GRIN2B: variants seen among roughly 807,000 people sequenced by gnomAD.
GRIN2B encodes the protein glutamate ionotropic receptor NMDA type subunit 2B.
A neutral mutation model predicts 114.5 loss-of-function variants in GRIN2B; 5 were observed. The ratio of observed to expected loss-of-function variants is 0.04; its 90% confidence interval spans 0.02 to 0.09. The LOEUF is 0.09. Ranked by LOEUF, GRIN2B falls within the 10% of genes least tolerant of loss-of-function variation. GRIN2B has a pLI of 1.00. For synonymous variants in GRIN2B, 787 were observed against 745.1 expected (o/e 1.06, Z -0.92); for missense variants, 1,108 against 1,943.5 (o/e 0.57, Z 8.08).
intron 5 of GRIN2B, among the ~76,000 whole-genome samples, chr12:13,670,743 T>C (rs959619139): frequency 2.0e-5 from 3 of 152,150 alleles, no homozygotes; most frequent in Admixed American, 1.3e-4. Context: ...CACCATGCTA[T>C]GTCTGCATGC....
chr12:13,675,031 G>A (rs1049458087), intron 5 of GRIN2B, among the ~76,000 whole-genome samples: 1 of 152,042 alleles, frequency 6.6e-6, no homozygotes, highest in African/African-American at 2.4e-5. Flanking sequence ...GTATTCAACT[G>A]GGAATCTGGA....
At chr12:13,964,283 C>A (rs760076078) in intron 2 of GRIN2B, among the ~76,000 whole-genome samples, 3 of 152,198 alleles carry the variant, frequency 2.0e-5, no homozygotes, top group Non-Finnish European at 4.4e-5. Flanking sequence ...AAGACACCAT[C>A]AATTCTGCCT....
chr12:13,738,335 G>A (rs74065258), intron 4 of GRIN2B, among the ~76,000 whole-genome samples: 1,815 of 152,230 alleles, frequency 0.012, 36 homozygotes, highest in African/African-American at 0.041. Flanking sequence ...AAGGCCAGCC[G>A]ACACATCAAA....
chr12:13,835,732 G>A (rs1360476840), intron 3 of GRIN2B, among the ~76,000 whole-genome samples: 6 of 129,064 alleles, frequency 4.6e-5, no homozygotes, highest in African/African-American at 1.8e-4. Context: ...TGGATGTAAA[G>A]AGGCACAGGA....
chr12:13,643,582 C>T (rs554245683), intron 5 of GRIN2B, among the ~76,000 whole-genome samples: 214 of 152,134 alleles, frequency 1.4e-3, no homozygotes, highest in African/African-American at 4.9e-3. Flanking sequence ...CTGAAGTTTG[C>T]CACAACAATT....
At chr12:13,707,193 G>A (rs1272554538) in intron 4 of GRIN2B, among the ~76,000 whole-genome samples, 1 of 152,030 alleles carries the variant, frequency 6.6e-6, no homozygotes, top group Non-Finnish European at 1.5e-5. Flanking sequence ...CATTAATGAA[G>A]GCCTTGTAGT....
At chr12:13,728,015 A>T (rs1338481076) in intron 4 of GRIN2B, among the ~76,000 whole-genome samples, 1 of 152,198 alleles carries the variant, frequency 6.6e-6, no homozygotes, top group African/African-American at 2.4e-5. Context: ...AACTGATCAC[A>T]TGTGGTATTT....
chr12:13,809,063 G>A (rs912840032), intron 3 of GRIN2B, among the ~76,000 whole-genome samples: 3 of 152,070 alleles, frequency 2.0e-5, no homozygotes, highest in Non-Finnish European at 2.9e-5. Flanking sequence ...ACAATTCTTT[G>A]ATGTAGGGGC....
intron 5 of GRIN2B, among the ~76,000 whole-genome samples, chr12:13,673,658 C>T (rs890748726): frequency 6.6e-6 from 1 of 151,866 alleles, no homozygotes; most frequent in Non-Finnish European, 1.5e-5. Context: ...GGATCCAAAC[C>T]CTAGGAAGTA....
chr12:13,566,012 C>T (rs758206191), intron 13 of GRIN2B, among the ~76,000 whole-genome samples: 6 of 152,058 alleles, frequency 3.9e-5, no homozygotes, highest in Non-Finnish European at 8.8e-5. Flanking sequence ...TCTGGTGTTC[C>T]CCTATCTGAG....
Position 13,560,888 on chromosome 12 carries a change from G to C in GRIN2B, c.*1895C>G, listed in dbSNP as rs1304612577. On this transcript the variant is annotated 3_prime_UTR_variant, in exon 14 of 14. Transcript: ENST00000609686. ...ACAGGGGCGAAGAGCAGCCCTGGAGGGAGTGACTTGAAGAGACATGGCAGC... is the reference window on the plus strand; with the variant it reads ...ACAGGGGCGAAGAGCAGCCCTGGAGCGAGTGACTTGAAGAGACATGGCAGC... 6.6e-6 allele frequency: 1 copy of C among 152,286 alleles called. No homozygotes were observed. Among genetic ancestry groups the C allele is most frequent in the Non-Finnish European group, 1.5e-5 (1 of 68,132 alleles). 9.4% of individuals were successfully genotyped at this position (152,286 alleles called of 1,614,324 possible).
chr12:13,658,899 T>C (rs1949893771), intron 5 of GRIN2B, among the ~76,000 whole-genome samples: 1 of 151,814 alleles, frequency 6.6e-6, no homozygotes, highest in Admixed American at 6.6e-5. Context: ...CTGTCCTGGC[T>C]CTACCAACCT....
At chr12:13,947,313 C>T (rs535256466) in intron 2 of GRIN2B, among the ~76,000 whole-genome samples, 1 of 152,288 alleles carries the variant, frequency 6.6e-6, no homozygotes, top group Non-Finnish European at 1.5e-5. Flanking sequence ...AAAACTGAGG[C>T]TCGCCATGTG....
At chr12:13,616,790 A>AGAT (rs1949449367) in intron 5 of GRIN2B, 133 bp from the exon 6 acceptor site, 1 of 737,730 alleles carries the variant, frequency 1.4e-6, no homozygotes, top group Non-Finnish European at 2.5e-6. Flanking sequence ...TACATACTAG[A>AGAT]GATAGGAATA....
chr12:13,810,089 G>A (rs1221747276), intron 3 of GRIN2B, among the ~76,000 whole-genome samples: 9 of 152,054 alleles, frequency 5.9e-5, no homozygotes, highest in Non-Finnish European at 1.0e-4. Flanking sequence ...AGACACCATC[G>A]CTTCCAAGAG....
chr12:13,838,921 A>G (rs1200273282), intron 3 of GRIN2B, among the ~76,000 whole-genome samples: 4 of 152,136 alleles, frequency 2.6e-5, no homozygotes, highest in Non-Finnish European at 5.9e-5. Context: ...TCACATACTC[A>G]TGTTCACTGA....
At chr12:13,874,724 G>A (rs1186661503) in intron 2 of GRIN2B, among the ~76,000 whole-genome samples, 1 of 152,168 alleles carries the variant, frequency 6.6e-6, no homozygotes, top group Non-Finnish European at 1.5e-5. Flanking sequence ...TTATTGGCTT[G>A]TCACTATCTA....
chr12:13,871,731 AAG>A (rs1233785808), intron 2 of GRIN2B, among the ~76,000 whole-genome samples: 3 of 151,154 alleles, frequency 2.0e-5, no homozygotes, highest in East Asian at 3.9e-4. Flanking sequence ...CAAAAAAAAA[AAG>A]GAGAGAAAAT....
At chr12:13,601,542 G>A (rs760737379) in intron 10 of GRIN2B, among the ~76,000 whole-genome samples, 27 of 151,144 alleles carry the variant, frequency 1.8e-4, no homozygotes, top group Middle Eastern at 3.4e-3. Flanking sequence ...TCTAAACAAG[G>A]TCAATGTTTG....
Sources: allele counts gnomAD v4.1 joint callset (sites outside exome capture counted in the v4.1 genomes callset), GRCh38; gene constraint gnomAD v4.1.1; transcripts MANE v1.5; gene names NCBI Gene and HGNC (gene_info 2026-07-23, HGNC 2026-07-21).